The following SLC17A5 variants were observed in gnomAD, a reference collection of about 807,000 sequenced individuals.
SLC17A5 encodes sialin.
SLC17A5 carries 47 observed loss-of-function variants against 59.4 expected under a neutral mutation model. That is an observed-to-expected ratio of 0.79 (90% CI 0.63 to 1.01). The LOEUF (loss-of-function observed/expected upper bound fraction) is 1.01, where lower values mean the gene tolerates loss of function less well. Ranked by LOEUF, SLC17A5 falls within the 50% of genes least tolerant of loss-of-function variation. The pLI is 0.00. For synonymous variants in SLC17A5, 202 were observed against 210.7 expected (o/e 0.96, Z 0.36); for missense variants, 522 against 595.5 (o/e 0.88, Z 1.28).
At position 73,615,425 on chromosome 6, in the gene SLC17A5, G is replaced by A. The variant is rs119491110; in HGVS notation, c.1001C>T (p.Pro334Leu). 6.2e-7 allele frequency: 1 copy of A among 1,613,678 alleles called. No homozygotes were observed. The highest frequency in any genetic ancestry group is 8.5e-7 in the Non-Finnish European group (1 of 1,179,946). The change falls in exon 8 of 11, where the codon CCT becomes CTT. Residue 334 changes from proline to leucine, a missense_variant. Coordinates refer to ENST00000355773, the MANE Select transcript of SLC17A5 (RefSeq NM_012434.5). ...CATACATAACCAAGAGCCTAAATAA[G>A]GCAATGAAGATAAAAACCCATTCTG... is the stretch of plus-strand genomic sequence containing the variant. ...VQENGFLSSL[P>L]YLGSWLCMIL...
intron 10 of SLC17A5, among the ~76,000 whole-genome samples, chr6:73,597,057 A>C (rs1766840891): frequency 1.3e-5 from 2 of 152,110 alleles, no homozygotes; most frequent in African/African-American, 4.8e-5. Flanking sequence ...GCTACTCGGG[A>C]GGCTGAGGCA....
At chr6:73,614,359 G>A (rs1767759708) in intron 8 of SLC17A5, among the ~76,000 whole-genome samples, 1 of 152,162 alleles carries the variant, frequency 6.6e-6, no homozygotes, top group African/African-American at 2.4e-5. Flanking sequence ...GATCACTTGA[G>A]GCCAGGAATT....
chr6:73,642,354 T>C (rs10943118), intron 2 of SLC17A5, among the ~76,000 whole-genome samples: 8,482 of 152,182 alleles, frequency 0.056, 425 homozygotes, highest in Admixed American at 0.16. Context: ...CAGAAAACTG[T>C]AGTGGCTGAG....
At chr6:73,595,416 A>G (rs1766750255) in intron 10 of SLC17A5, among the ~76,000 whole-genome samples, 1 of 152,222 alleles carries the variant, frequency 6.6e-6, no homozygotes, top group South Asian at 2.1e-4. Flanking sequence ...AATGGGCTAC[A>G]ACATCATAAA....
chr6:73,650,365 C>T (rs1447083728), intron 1 of SLC17A5, among the ~76,000 whole-genome samples: 18 of 151,322 alleles, frequency 1.2e-4, no homozygotes, highest in African/African-American at 3.9e-4. Flanking sequence ...AAAAATTAGC[C>T]GGGCGTGGTG....
At chr6:73,634,608 C>T (rs945479998) in intron 6 of SLC17A5, among the ~76,000 whole-genome samples, 5 of 152,106 alleles carry the variant, frequency 3.3e-5, no homozygotes, top group South Asian at 2.1e-4. Flanking sequence ...TCATGTTGGC[C>T]GGGCTGATCT....
Position 73,595,060 on chromosome 6 carries a change from ATTATTTATTGGT to A in SLC17A5, c.*5_*16del. On this transcript the variant is annotated 3_prime_UTR_variant, in exon 11 of 11. Transcript: ENST00000355773. ...ATAAAAATACATTAATAGAGGCAGGATTATTTATTGGTTCCTTCAGTGTCTGTGTCCATGGTG... is the reference window on the plus strand; with the variant it reads ...ATAAAAATACATTAATAGAGGCAGGATCCTTCAGTGTCTGTGTCCATGGTG... The A allele has an allele frequency of 6.2e-7, 1 of 1,613,718 alleles. No homozygotes were observed. Among genetic ancestry groups the A allele is most frequent in the Non-Finnish European group, 8.5e-7 (1 of 1,179,734 alleles).
chr6:73,653,923 G>A lies in SLC17A5; in HGVS notation c.-37C>T. The A allele has an allele frequency of 6.5e-7, 1 of 1,549,684 alleles. No individual in the cohort carries two copies. The highest frequency in any genetic ancestry group is 1.4e-5 in the African/African-American group (1 of 73,276). On this transcript the variant is annotated 5_prime_UTR_variant, in exon 1 of 11. Transcript: ENST00000355773. ...GAGCAGGTGTACTCGCCACCTGGCAGAGAAGGGAGCGCCGGCCCGACAGCC... is the reference window on the plus strand; with the variant it reads ...GAGCAGGTGTACTCGCCACCTGGCAAAGAAGGGAGCGCCGGCCCGACAGCC...
chr6:73,622,453 C>T (rs1427628175), intron 6 of SLC17A5, among the ~76,000 whole-genome samples: 2 of 152,154 alleles, frequency 1.3e-5, no homozygotes, highest in African/African-American at 4.8e-5. Flanking sequence ...AGGCATACTC[C>T]ACCAGGCCTG....
At chr6:73,646,175 A>C (rs2150122156) in intron 1 of SLC17A5, among the ~76,000 whole-genome samples, 1 of 152,322 alleles carries the variant, frequency 6.6e-6, no homozygotes. Context: ...AAATGTGTGT[A>C]TGTTTTTCCC....
intron 6 of SLC17A5, among the ~76,000 whole-genome samples, chr6:73,632,351 C>A (rs998079804): frequency 6.7e-6 from 1 of 148,258 alleles, no homozygotes; most frequent in Non-Finnish European, 1.5e-5. Flanking sequence ...AACTCTCTTG[C>A]CTCTGAATAT....
At position 73,605,318 on chromosome 6, in the gene SLC17A5, T is replaced by C. The variant is rs531079210; in HGVS notation, c.1260-4877A>G. On this transcript the variant is annotated intron_variant, in intron 9 of 10. Transcript: ENST00000355773. ...GTAGGAAAGATAAATTTTCTCATGC[T>C]TCATTTTTCACCACAAGCCCTGGTG... Among the ~76,000 whole-genome samples the C allele has an allele frequency of 9.8e-5, 15 of 152,344 alleles. No individual in the cohort carries two copies. The South Asian group carries it at 2.9e-3, about 29-fold the overall frequency.
chr6:73,650,861 C>CGT (rs1769827500), intron 1 of SLC17A5, among the ~76,000 whole-genome samples: 1 of 152,048 alleles, frequency 6.6e-6, no homozygotes, highest in Non-Finnish European at 1.5e-5. Context: ...TGTCTAGAGC[C>CGT]GTGTATGGGA....
chr6:73,615,100 A>G lies in SLC17A5; in HGVS notation c.1111+215T>C, dbSNP rs538437544. ...CGCCAGCTGGACAGTGTCAGAACTG[A>G]ATTACAGGATACCTAGCTGGTGTCC... On this transcript the variant is annotated intron_variant, in intron 8 of 10. Coordinates refer to ENST00000355773, the MANE Select transcript of SLC17A5 (RefSeq NM_012434.5). Among the ~76,000 whole-genome samples, 3 of 152,268 alleles carry G rather than the reference A, an allele frequency of 2.0e-5. No individual in the cohort carries two copies. The East Asian group carries it at 5.8e-4, about 29-fold the overall frequency.
chr6:73,600,718 C>T (rs867137216), intron 9 of SLC17A5, among the ~76,000 whole-genome samples: 7 of 152,034 alleles, frequency 4.6e-5, no homozygotes, highest in Middle Eastern at 3.4e-3. Context: ...CCAGGCTGCT[C>T]TCGAGCTCCT....
chr6:73,641,655 C>G lies in SLC17A5; in HGVS notation c.525+36G>C, dbSNP rs12192476. On this transcript the variant is annotated intron_variant, in intron 3 of 10. Transcript: ENST00000355773. ...TTTAAGAAGAAGAGAAGGAGACACA[C>G]GGTAAGAAGTAAAACAAGAGAGAAA... The G allele has an allele frequency of 0.066, 95,065 of 1,431,394 alleles. 4,483 individuals carry two copies. The highest frequency in any genetic ancestry group is 0.24 in the Admixed American group (12,784 of 53,470). The allele number at this position is 1,431,394 out of a possible 1,614,324, so 88.7% of individuals were successfully genotyped here. A position where few individuals can be genotyped will look rare whatever the true frequency, so the allele number is the denominator to read the frequency against.
rs1281748667 is a variant in SLC17A5 at position 73,611,827 on chromosome 6, CTTAT to C, written c.1112-1284_1112-1281del. On this transcript the variant is annotated intron_variant, in intron 8 of 10. Coordinates refer to ENST00000355773, the MANE Select transcript of SLC17A5 (RefSeq NM_012434.5). ...AAAAAAGTTCAATTACATTTATTTACTTATTTATTTATTTTCTTGTTTTTTTGAG... is the reference window on the plus strand; with the variant it reads ...AAAAAAGTTCAATTACATTTATTTACTTATTTATTTTCTTGTTTTTTTGAG... Among the ~76,000 whole-genome samples, 6 of 151,966 alleles carry C rather than the reference CTTAT, an allele frequency of 3.9e-5. No homozygotes were observed. The South Asian group carries it at 1.0e-3, about 26-fold the overall frequency.
chr6:73,600,752 C>T (rs1348035731), intron 9 of SLC17A5, among the ~76,000 whole-genome samples: 6 of 152,202 alleles, frequency 3.9e-5, no homozygotes, highest in African/African-American at 1.2e-4. Context: ...CTGCCTGCCT[C>T]GGCCTCCCAA....
intron 3 of SLC17A5, among the ~76,000 whole-genome samples, chr6:73,640,547 G>A (rs1279495388): frequency 6.6e-6 from 1 of 152,122 alleles, no homozygotes; most frequent in Non-Finnish European, 1.5e-5. Flanking sequence ...TTCAAACTCT[G>A]GTCCAGTGTT....
Sources: gnomAD v4.1 joint callset for allele counts (sites outside exome capture counted in the v4.1 genomes callset) on GRCh38, gnomAD v4.1.1 for gene constraint, MANE v1.5 for transcripts, NCBI Gene and HGNC (gene_info 2026-07-23, HGNC 2026-07-21) for gene names.